The following CALD1 variants were observed in gnomAD, a reference collection of about 807,000 sequenced individuals.
CALD1 encodes caldesmon 1, also known as caldesmon.
In CALD1, 33 loss-of-function variants were observed where a neutral mutation model predicts 99.9. The ratio of observed to expected loss-of-function variants is 0.33; its 90% confidence interval spans 0.25 to 0.44. The LOEUF (loss-of-function observed/expected upper bound fraction) is 0.44, where lower values mean the gene tolerates loss of function less well. Among genes scored for constraint, CALD1 ranks in the 20% least tolerant of loss-of-function variants. The probability of loss-of-function intolerance (pLI) is 1.00; values close to 1 mark genes in which losing one functional copy is unlikely to be tolerated. For synonymous variants in CALD1, 310 were observed against 325.0 expected (o/e 0.95, Z 0.50); for missense variants, 861 against 962.1 (o/e 0.89, Z 1.39).
chr7:134,924,047 T>C (rs1036978181), intron 3 of CALD1, among the ~76,000 whole-genome samples: 1 of 152,244 alleles, frequency 6.6e-6, no homozygotes, highest in Admixed American at 6.5e-5. Flanking sequence ...TGTATGTGTA[T>C]ACCTAAGTGG....
rs552201517 is a variant in CALD1 at position 134,867,438 on chromosome 7, CCTCT to C, written c.-41-252_-41-249del. Among the ~76,000 whole-genome samples, 727 of 152,234 alleles carry C rather than the reference CCTCT, an allele frequency of 4.8e-3. 5 individuals are homozygous for C. Among genetic ancestry groups the C allele is most frequent in the African/African-American group, 0.016 (667 of 41,534 alleles). Reference sequence around the variant, plus strand: ...CTACCAATATTTCAAGTCTTCAAAACCTCTCTGTCTCCGGAGGTCTTTTTTAAAG... The same window carrying C: ...CTACCAATATTTCAAGTCTTCAAAACCTGTCTCCGGAGGTCTTTTTTAAAG... On this transcript the variant is annotated intron_variant, in intron 2 of 14. Coordinates refer to ENST00000361675, the MANE Select transcript of CALD1 (RefSeq NM_033138.4).
At chr7:134,807,378 T>C (rs1375182518) in intron 1 of CALD1, among the ~76,000 whole-genome samples, 1 of 152,188 alleles carries the variant, frequency 6.6e-6, no homozygotes, top group Non-Finnish European at 1.5e-5. Context: ...TCAGTACTGT[T>C]CTGTGTCAAA....
intron 3 of CALD1, among the ~76,000 whole-genome samples, chr7:134,926,817 C>T (rs2132876645): frequency 6.6e-6 from 1 of 152,142 alleles, no homozygotes; most frequent in South Asian, 2.1e-4. Context: ...TAGAGAAGTA[C>T]CATGCAACAT....
At chr7:134,929,646 G>GTGTGTA (rs1488854871) in intron 4 of CALD1, among the ~76,000 whole-genome samples, 333 of 7,826 alleles carry the variant, frequency 0.043, 21 homozygotes, top group African/African-American at 0.099. Context: ...GTGTGTGTGT[G>GTGTGTA]TATATATATA....
intron 1 of CALD1, among the ~76,000 whole-genome samples, chr7:134,764,386 G>C (rs1390521119): frequency 6.6e-6 from 1 of 152,174 alleles, no homozygotes; most frequent in East Asian, 1.9e-4. Context: ...GAAAAAAAGA[G>C]AAATATAGGT....
intron 13 of CALD1, chr7:134,962,367 A>T (rs1808337112): frequency 9.9e-5 from 1 of 10,140 alleles, no homozygotes; most frequent in Non-Finnish European, 2.4e-4. Context: ...ACAGCCTCCT[A>T]AAAAAAAAAA....
Position 134,935,685 on chromosome 7 carries a change from A to G in CALD1, c.1309-3A>G. 1 of 1,604,044 alleles carries G rather than the reference A, an allele frequency of 6.2e-7. No homozygotes were observed. On this transcript the variant is annotated splice_polypyrimidine_tract_variant and splice_region_variant and intron_variant, in intron 5 of 14. Coordinates refer to ENST00000361675, the MANE Select transcript of CALD1 (RefSeq NM_033138.4). ...TGACCTTACCATTCTTGAAAATAAAAAGGGAGAAGAGAAGGGAACTAAAGT... is the reference window on the plus strand; with the variant it reads ...TGACCTTACCATTCTTGAAAATAAAGAGGGAGAAGAGAAGGGAACTAAAGT...
intron 13 of CALD1, chr7:134,962,992 C>T (rs1469634353): frequency 2.2e-6 from 1 of 449,522 alleles, no homozygotes; most frequent in Non-Finnish European, 4.5e-6. Flanking sequence ...CTCAGATGTT[C>T]ATATTTTCTT....
chr7:134,826,892 G>C (rs955890239), intron 1 of CALD1, among the ~76,000 whole-genome samples: 1 of 152,072 alleles, frequency 6.6e-6, no homozygotes, highest in African/African-American at 2.4e-5. Context: ...TCTGAGCATG[G>C]AAAAGTTCTT....
intron 1 of CALD1, among the ~76,000 whole-genome samples, chr7:134,781,025 G>T (rs1016177925): frequency 3.9e-5 from 6 of 152,102 alleles, no homozygotes; most frequent in African/African-American, 1.4e-4. Flanking sequence ...AGAAGTTTGG[G>T]GATAATTTTC....
the CALD1 span, among the ~76,000 whole-genome samples, chr7:134,712,605 G>A: frequency 2.0e-5 from 3 of 152,206 alleles, no homozygotes; most frequent in Non-Finnish European, 4.4e-5. Flanking sequence ...AAGATGGTGG[G>A]TTATCAATTC....
At chr7:134,762,016 T>A (rs1051320480) in intron 1 of CALD1, among the ~76,000 whole-genome samples, 10 of 152,162 alleles carry the variant, frequency 6.6e-5, no homozygotes, top group African/African-American at 2.4e-4. Context: ...AAGAAATATG[T>A]ACAGAGGCCA....
chr7:134,852,961 T>C (rs979340781), intron 2 of CALD1, among the ~76,000 whole-genome samples: 5 of 152,210 alleles, frequency 3.3e-5, no homozygotes, highest in Middle Eastern at 3.2e-3. Flanking sequence ...CTTGGAATCA[T>C]GCACCAGCAT....
chr7:134,830,886 G>A (rs908891691), intron 1 of CALD1, among the ~76,000 whole-genome samples: 2 of 152,144 alleles, frequency 1.3e-5, no homozygotes, highest in Non-Finnish European at 2.9e-5. Flanking sequence ...CTCCAGTGGT[G>A]TATGTGGAAA....
chr7:134,787,848 T>G (rs1166436236), intron 1 of CALD1, among the ~76,000 whole-genome samples: 1 of 152,190 alleles, frequency 6.6e-6, no homozygotes, highest in Non-Finnish European at 1.5e-5. Context: ...CTAGTAAGAA[T>G]GTCAAAATTG....
intron 3 of CALD1, among the ~76,000 whole-genome samples, chr7:134,881,782 A>C (rs1317853313): frequency 6.6e-6 from 1 of 152,206 alleles, no homozygotes; most frequent in Non-Finnish European, 1.5e-5. Flanking sequence ...CACCCTCCCT[A>C]GAGCCCGTCA....
intron 3 of CALD1, among the ~76,000 whole-genome samples, chr7:134,889,322 T>C (rs1213927088): frequency 6.6e-6 from 1 of 152,120 alleles, no homozygotes; most frequent in East Asian, 1.9e-4. Flanking sequence ...CCCCTCTCCA[T>C]CTTCAAAGCC....
chr7:134,947,498 C>A lies in CALD1; in HGVS notation c.1533-10C>A. ...CATGTAAACCCCTTTCCATTGCCCCCCAACCACAGCCGCCCTGGAGGGAGG... is the reference window on the plus strand; with the variant it reads ...CATGTAAACCCCTTTCCATTGCCCCACAACCACAGCCGCCCTGGAGGGAGG... On this transcript the variant is annotated splice_polypyrimidine_tract_variant and intron_variant, in intron 7 of 14. Coordinates refer to ENST00000361675, the MANE Select transcript of CALD1 (RefSeq NM_033138.4). The A allele has an allele frequency of 6.4e-7, 1 of 1,565,608 alleles. No individual in the cohort carries two copies. Among genetic ancestry groups the A allele is most frequent in the Non-Finnish European group, 8.7e-7 (1 of 1,154,826 alleles).
intron 3 of CALD1, chr7:134,891,807 G>A: frequency 1.4e-6 from 1 of 717,992 alleles, no homozygotes. Context: ...CACCAGGCAG[G>A]AAAGGAATGC....
Sources: allele counts gnomAD v4.1 joint callset (sites outside exome capture counted in the v4.1 genomes callset), GRCh38; gene constraint gnomAD v4.1.1; transcripts MANE v1.5; gene names NCBI Gene and HGNC (gene_info 2026-07-23, HGNC 2026-07-21).